Variants in MBP observed in about 807,000 individuals in gnomAD.
MBP encodes myelin basic protein.
In MBP, 16 loss-of-function variants were observed where a neutral mutation model predicts 35.8. That is an observed-to-expected ratio of 0.45 (90% CI 0.30 to 0.68). MBP has a LOEUF of 0.68. MBP is among the 30% of genes least tolerant of loss of function. The pLI is 0.08. For missense variants in MBP, 380 were observed against 404.7 expected, an observed-to-expected ratio of 0.94 and a Z score of 0.52; for synonymous variants, 143 against 159.6, an observed-to-expected ratio of 0.90 and a Z score of 0.78.
intron 3 of MBP, among the ~76,000 whole-genome samples, chr18:77,057,784 C>T (rs12456024): frequency 0.18 from 26,431 of 148,548 alleles, 3,313 homozygotes; most frequent in East Asian, 0.43. Flanking sequence ...AACCGCTACA[C>T]GAAAATTCTG....
At chr18:77,124,938 C>T (rs1977004208) in intron 1 of MBP, among the ~76,000 whole-genome samples, 1 of 152,216 alleles carries the variant, frequency 6.6e-6, no homozygotes, top group African/African-American at 2.4e-5. Flanking sequence ...AAGTCATGGG[C>T]TCAAGAGTGA....
At chr18:77,013,702 C>T (rs556480251) in intron 4 of MBP, 3 of 985,342 alleles carry the variant, frequency 3.0e-6, no homozygotes, top group Admixed American at 1.2e-4. Flanking sequence ...ACAAAATCAT[C>T]GGTAAGAAGC....
chr18:76,985,855 T>C, intron 7 of MBP: 1 of 988,904 alleles, frequency 1.0e-6, no homozygotes, highest in Non-Finnish European at 1.2e-6. Context: ...GTGCCAGCTG[T>C]CATTTATGGA....
At chr18:77,119,359 G>C (rs1976818207) in intron 1 of MBP, among the ~76,000 whole-genome samples, 3 of 152,172 alleles carry the variant, frequency 2.0e-5, no homozygotes, top group African/African-American at 7.2e-5. Flanking sequence ...CCGGGTCTCT[G>C]TCTTGTCACC....
intron 2 of MBP, among the ~76,000 whole-genome samples, chr18:77,081,114 C>T (rs910311282): frequency 6.6e-6 from 1 of 152,184 alleles, no homozygotes; most frequent in Admixed American, 6.5e-5. Context: ...TAGAGACTGA[C>T]TGGAGGTGGG....
At chr18:77,084,389 G>A (rs1439799196) in intron 2 of MBP, among the ~76,000 whole-genome samples, 1 of 137,260 alleles carries the variant, frequency 7.3e-6, no homozygotes, top group East Asian at 2.2e-4. Flanking sequence ...CCACAACCCT[G>A]CAAAAAGACC....
At position 76,989,964 on chromosome 18, in the gene MBP, T is replaced by G. The variant is rs1259484202; in HGVS notation, c.673A>C (p.Lys225Gln). 6.2e-7 allele frequency: 1 copy of G among 1,611,562 alleles called. No homozygotes were observed. ...CATCGATCGTCACTTACAATGTTCTTGAAGAAGTGGACTACGGGGTTTTCA... is the reference window on the plus strand; with the variant it reads ...CATCGATCGTCACTTACAATGTTCTGGAAGAAGTGGACTACGGGGTTTTCA... ...QDENPVVHFF[K>Q]NIVTPRTPPP... The change falls in exon 5 of 9, where the codon AAG (lysine) becomes CAG (glutamine). Residue 225 changes from lysine (K) to glutamine (Q), a missense_variant. By Grantham distance (53) the Lys-to-Gln change is moderately conservative. Coordinates refer to ENST00000355994, the MANE Select transcript of MBP (RefSeq NM_001025101.2). The surrounding 1 kb of genome is among the most constrained non-coding windows in gnomAD (Gnocchi z 4.0).
intron 1 of MBP, among the ~76,000 whole-genome samples, chr18:77,122,488 A>C (rs1175174860): frequency 1.3e-5 from 2 of 151,692 alleles, no homozygotes; most frequent in Admixed American, 1.3e-4. Flanking sequence ...CCAAGTGGGA[A>C]GTGAACTGCG....
intron 1 of MBP, among the ~76,000 whole-genome samples, chr18:77,119,943 G>A (rs749795415): frequency 6.6e-6 from 1 of 152,198 alleles, no homozygotes; most frequent in Non-Finnish European, 1.5e-5. Context: ...GGAGAGGCCT[G>A]GGCGCAGTGG....
intron 2 of MBP, among the ~76,000 whole-genome samples, chr18:77,068,500 G>A (rs147308381): frequency 3.9e-5 from 6 of 152,308 alleles, no homozygotes; most frequent in African/African-American, 1.2e-4. Context: ...TCCTCAGTCT[G>A]TTTATAAACC....
At chr18:77,013,832 TC>T in intron 4 of MBP, 1 of 985,476 alleles carries the variant, frequency 1.0e-6, no homozygotes, top group Non-Finnish European at 1.2e-6. Context: ...AGCTTAGGTG[TC>T]TTGTGAAACC....
intron 3 of MBP, among the ~76,000 whole-genome samples, chr18:77,060,681 C>T (rs1015193414): frequency 1.1e-4 from 16 of 152,064 alleles, no homozygotes; most frequent in African/African-American, 3.9e-4. Flanking sequence ...GAACTCCTGG[C>T]CTCAGGTGAT....
intron 3 of MBP, among the ~76,000 whole-genome samples, chr18:77,063,749 A>C (rs915092869): frequency 6.6e-6 from 1 of 152,192 alleles, no homozygotes; most frequent in Non-Finnish European, 1.5e-5. Flanking sequence ...TAACTCTCTA[A>C]ACTCAGTATC....
rs1431785028 is a variant in MBP, at chr18:77,029,139, G to C, written c.140-11871C>G. 8.9e-4 allele frequency among the ~76,000 whole-genome samples: 101 copies of C among 113,882 alleles called. 3 individuals are homozygous for C. The highest frequency in any genetic ancestry group is 2.2e-3 in the African/African-American group (84 of 37,644). 74.7% of individuals were successfully genotyped at this position (113,882 alleles called of 152,430 possible). On this transcript the variant is annotated intron_variant, in intron 3 of 8. Coordinates refer to ENST00000355994, the MANE Select transcript of MBP (RefSeq NM_001025101.2). ...GGGCACCATTGAGCACTGAGTGAACGAGACTCCGTCTGCAATCCCGGCACC... is the reference window on the plus strand; with the variant it reads ...GGGCACCATTGAGCACTGAGTGAACCAGACTCCGTCTGCAATCCCGGCACC...
At chr18:76,996,183 C>T (rs1326630735) in intron 4 of MBP, among the ~76,000 whole-genome samples, 3 of 152,164 alleles carry the variant, frequency 2.0e-5, no homozygotes, top group Admixed American at 6.5e-5. Context: ...TGCCAACATT[C>T]CCAAGTGCTG....
intron 4 of MBP, among the ~76,000 whole-genome samples, chr18:76,994,453 T>A (rs1396303044): frequency 6.6e-6 from 1 of 152,250 alleles, no homozygotes; most frequent in African/African-American, 2.4e-5. Context: ...TCAGTCACGC[T>A]ATGCAGATCT....
chr18:77,052,932 C>T (rs1973560985), intron 3 of MBP, among the ~76,000 whole-genome samples: 1 of 152,234 alleles, frequency 6.6e-6, no homozygotes, highest in Non-Finnish European at 1.5e-5. Flanking sequence ...AACCTACTCC[C>T]TCCTGTGGAG....
At chr18:77,077,109 C>T (rs1396794458) in intron 2 of MBP, among the ~76,000 whole-genome samples, 3 of 151,894 alleles carry the variant, frequency 2.0e-5, no homozygotes, top group South Asian at 2.1e-4. Context: ...ACCTGTAATC[C>T]CAGCACTTTG....
chr18:76,987,152 C>T (rs1193129739), intron 7 of MBP: 5 of 985,342 alleles, frequency 5.1e-6, no homozygotes, highest in Non-Finnish European at 6.0e-6. Context: ...CCCCATCGCT[C>T]CACATTCAGG....
Sources: gnomAD v4.1 joint callset for allele counts (sites outside exome capture counted in the v4.1 genomes callset) on GRCh38, gnomAD v4.1.1 for gene constraint, Gnocchi (gnomAD v3.1) non-coding constraint, MANE v1.5 for transcripts, NCBI Gene and HGNC (gene_info 2026-07-23, HGNC 2026-07-21) for gene names.